Variants in RPSA2 observed in about 807,000 individuals in gnomAD.
RPSA2 encodes small ribosomal subunit protein uS2B.
chr19:23,865,327 C>G, the RPSA2 span, among the ~76,000 whole-genome samples: 1 of 152,308 alleles, frequency 6.6e-6, no homozygotes, highest in East Asian at 1.9e-4. Context: ...CAGACATTAG[C>G]TAAACTTCTG....
At chr19:23,839,309 T>C in the RPSA2 span, among the ~76,000 whole-genome samples, 2 of 152,282 alleles carry the variant, frequency 1.3e-5, no homozygotes, top group Admixed American at 6.5e-5. Flanking sequence ...GTTCTTGGTA[T>C]AATGTCAATT....
chr19:23,813,031 C>G, the RPSA2 span, among the ~76,000 whole-genome samples: 4 of 152,006 alleles, frequency 2.6e-5, no homozygotes, highest in African/African-American at 9.6e-5. Flanking sequence ...AAGATTGAGA[C>G]CAGCCTGGGC....
the RPSA2 span, among the ~76,000 whole-genome samples, chr19:23,842,869 G>T: frequency 1.3e-5 from 2 of 151,470 alleles, no homozygotes; most frequent in Non-Finnish European, 2.9e-5. Context: ...CCTTTTTTTT[G>T]AGGTAATCTG....
chr19:23,856,853 G>T, the RPSA2 span, among the ~76,000 whole-genome samples: 935 of 152,248 alleles, frequency 6.1e-3, 9 homozygotes, highest in African/African-American at 0.022. Context: ...AGGTCACAAA[G>T]ATCACGTGCT....
chr19:23,849,763 A>G, the RPSA2 span, among the ~76,000 whole-genome samples: 1 of 152,128 alleles, frequency 6.6e-6, no homozygotes, highest in African/African-American at 2.4e-5. Context: ...TGCCCAGTCT[A>G]TTACTAAACC....
chr19:23,792,843 G>C, the RPSA2 span, among the ~76,000 whole-genome samples: 22 of 152,092 alleles, frequency 1.4e-4, no homozygotes, highest in African/African-American at 4.8e-4. Flanking sequence ...AGATTAGGCA[G>C]AAAAGGGCTT....
chr19:23,776,527 T>C, the RPSA2 span, among the ~76,000 whole-genome samples: 2 of 152,138 alleles, frequency 1.3e-5, no homozygotes, highest in Non-Finnish European at 2.9e-5. Context: ...AAAACTCAGG[T>C]AGTGTAACTC....
At chr19:23,758,998 C>A in the RPSA2 span, 1 of 575,886 alleles carries the variant, frequency 1.7e-6, no homozygotes. Context: ...AAACCCCACC[C>A]CTCAGGTCCT....
chr19:23,851,961 G>A, the RPSA2 span, among the ~76,000 whole-genome samples: 14 of 152,128 alleles, frequency 9.2e-5, no homozygotes, highest in Middle Eastern at 3.2e-3. Context: ...GATCAAATCC[G>A]GAAATTTGAA....
chr19:23,790,621 G>C, the RPSA2 span, among the ~76,000 whole-genome samples: 1 of 152,098 alleles, frequency 6.6e-6, no homozygotes, highest in African/African-American at 2.4e-5. Flanking sequence ...TTGTAGTTGG[G>C]GGGACTGTGT....
the RPSA2 span, chr19:23,790,817 G>GT: frequency 1.8e-6 from 1 of 540,850 alleles, no homozygotes; most frequent in Non-Finnish European, 3.4e-6. Flanking sequence ...GCAAGGGCTG[G>GT]TTGGAACTGG....
At chr19:23,780,875 A>G in the RPSA2 span, among the ~76,000 whole-genome samples, 1 of 152,218 alleles carries the variant, frequency 6.6e-6, no homozygotes, top group Admixed American at 6.5e-5. Context: ...AAAGATTGTC[A>G]TCCACTTAAA....
At chr19:23,866,513 G>GCCCCCCCCCCCC in the RPSA2 span, among the ~76,000 whole-genome samples, 1 of 142,284 alleles carries the variant, frequency 7.0e-6, no homozygotes, top group Non-Finnish European at 1.5e-5. Context: ...ACAATGTGGT[G>GCCCCCCCCCCCC]CCCCCCCCCG....
the RPSA2 span, among the ~76,000 whole-genome samples, chr19:23,834,261 A>G: frequency 6.6e-6 from 1 of 152,124 alleles, no homozygotes; most frequent in South Asian, 2.1e-4. Flanking sequence ...TTTTATGAAC[A>G]TACAGGTTTT....
chr19:23,856,267 G>A, the RPSA2 span, among the ~76,000 whole-genome samples: 5 of 151,980 alleles, frequency 3.3e-5, no homozygotes, highest in South Asian at 4.2e-4. Flanking sequence ...ATTTCCTGTC[G>A]GGACCAGTTC....
chr19:23,864,200 A>G, the RPSA2 span, among the ~76,000 whole-genome samples: 1 of 152,240 alleles, frequency 6.6e-6, no homozygotes, highest in South Asian at 2.1e-4. Flanking sequence ...TGGGCATATT[A>G]CAGACACCCT....
the RPSA2 span, among the ~76,000 whole-genome samples, chr19:23,812,895 A>C: frequency 6.3e-4 from 96 of 152,300 alleles, no homozygotes; most frequent in African/African-American, 2.0e-3. Context: ...CTGTAAAAAC[A>C]TGTAACATGT....
chr19:23,779,686 TAGA>T, the RPSA2 span, among the ~76,000 whole-genome samples: 2 of 152,204 alleles, frequency 1.3e-5, no homozygotes, highest in African/African-American at 4.8e-5. Context: ...TCCAAACACC[TAGA>T]AGAATGGGAG....
the RPSA2 span, among the ~76,000 whole-genome samples, chr19:23,819,643 T>C: frequency 6.6e-6 from 1 of 152,156 alleles, no homozygotes; most frequent in African/African-American, 2.4e-5. Context: ...CCTGCATCTC[T>C]CTCCTTAAGG....
Sources: gnomAD v4.1 joint callset for allele counts (sites outside exome capture counted in the v4.1 genomes callset) on GRCh38, gnomAD v4.1.1 for gene constraint, MANE v1.5 for transcripts, NCBI Gene and HGNC (gene_info 2026-07-23, HGNC 2026-07-21) for gene names.